SIRPG: variants seen among roughly 807,000 people sequenced by gnomAD.
SIRPG encodes signal-regulatory protein gamma.
In SIRPG, 38 loss-of-function variants were observed where a neutral mutation model predicts 35.7. The observed-to-expected ratio is 1.06, with a 90% CI of 0.82 to 1.40. SIRPG has a LOEUF of 1.40. Among genes scored for constraint, SIRPG ranks in the 40% most tolerant of loss-of-function variants. The probability of loss-of-function intolerance (pLI) is 0.00; values close to 1 mark genes in which losing one functional copy is unlikely to be tolerated. For synonymous variants in SIRPG, 215 were observed against 190.4 expected, an observed-to-expected ratio of 1.13 and a Z score of -1.06; for missense variants, 519 against 483.0, an observed-to-expected ratio of 1.07 and a Z score of -0.70.
chr20:1,661,347 G>T (rs559066538), upstream of SIRPG, among the ~76,000 whole-genome samples: 1 of 152,186 alleles, frequency 6.6e-6, no homozygotes, highest in Non-Finnish European at 1.5e-5. Flanking sequence ...ACCCCAGTAA[G>T]GGTCTACTCA....
At chr20:1,655,414 A>G (rs1449384780) in intron 1 of SIRPG, among the ~76,000 whole-genome samples, 1 of 152,214 alleles carries the variant, frequency 6.6e-6, no homozygotes, top group African/African-American at 2.4e-5. Flanking sequence ...GCTAAGTGAA[A>G]TAAGCCAGGC....
chr20:1,642,619 A>G (rs1822493503), intron 2 of SIRPG, among the ~76,000 whole-genome samples: 1 of 152,164 alleles, frequency 6.6e-6, no homozygotes, highest in African/African-American at 2.4e-5. Flanking sequence ...TCATGATGCT[A>G]TCTGATTATT....
Position 1,649,336 on chromosome 20 carries a change from G to C in SIRPG, c.146C>G (p.Ala49Gly), listed in dbSNP as rs760807673. 1 of 1,614,084 alleles carries C rather than the reference G, an allele frequency of 6.2e-7. No homozygotes were observed. The change falls in exon 2 of 6, where the codon GCC becomes GGC. Residue 49 changes from alanine to glycine, a missense_variant. By Grantham distance (60) the Ala-to-Gly change is moderately conservative. Transcript: ENST00000303415. ...KLLLVTVGKTATLHCTVTSLL... is the reference protein window; with the variant it reads ...KLLLVTVGKTGTLHCTVTSLL... The stretch of plus-strand genomic sequence containing the variant: ...GGAGGTCACAGTGCAGTGCAGAGTG[G>C]CTGTCTTTCCAACTGTGACCAACAG...
the SIRPG span, among the ~76,000 whole-genome samples, chr20:1,679,057 G>A: frequency 6.6e-6 from 1 of 152,176 alleles, no homozygotes; most frequent in Non-Finnish European, 1.5e-5. Flanking sequence ...ATCCTTGCGT[G>A]AATAGCACGA....
chr20:1,685,237 A>G, the SIRPG span, among the ~76,000 whole-genome samples: 27 of 152,338 alleles, frequency 1.8e-4, no homozygotes, highest in African/African-American at 6.3e-4. Context: ...GAAAGAACCA[A>G]GGTAGATTGT....
chr20:1,645,103 C>T (rs1299907404), intron 2 of SIRPG, among the ~76,000 whole-genome samples: 2 of 152,102 alleles, frequency 1.3e-5, no homozygotes, highest in African/African-American at 2.4e-5. Context: ...GATGGAAGGT[C>T]CTCCAGCACT....
intron 4 of SIRPG, among the ~76,000 whole-genome samples, chr20:1,634,269 T>C (rs13037155): frequency 4.8e-5 from 7 of 147,340 alleles, no homozygotes; most frequent in African/African-American, 1.3e-4. Context: ...TGCAGTGGCA[T>C]GATCTCGGCT....
the SIRPG span, among the ~76,000 whole-genome samples, chr20:1,683,315 A>C: frequency 6.6e-6 from 1 of 152,236 alleles, no homozygotes; most frequent in African/African-American, 2.4e-5. Context: ...AAATTAGTAC[A>C]GCCATTATTG....
intron 4 of SIRPG, among the ~76,000 whole-genome samples, chr20:1,631,603 A>G (rs1435052096): frequency 6.6e-6 from 1 of 152,166 alleles, no homozygotes; most frequent in Non-Finnish European, 1.5e-5. Flanking sequence ...TGCCTTACAG[A>G]GAAACTGACC....
At chr20:1,635,034 C>T (rs932590299) in intron 4 of SIRPG, among the ~76,000 whole-genome samples, 4 of 132,404 alleles carry the variant, frequency 3.0e-5, no homozygotes, top group African/African-American at 5.9e-5. Flanking sequence ...CAGAGCCAGA[C>T]TCCGTCTCAA....
chr20:1,651,013 G>C (rs914101356), intron 1 of SIRPG, among the ~76,000 whole-genome samples: 3 of 152,136 alleles, frequency 2.0e-5, no homozygotes, highest in Admixed American at 2.0e-4. Context: ...TATACCTGGC[G>C]AAAGTGTCCT....
intron 2 of SIRPG, chr20:1,638,274 C>T (rs573034574): frequency 6.6e-6 from 1 of 152,286 alleles, no homozygotes; most frequent in Non-Finnish European, 1.5e-5. Context: ...GATAAAAAAC[C>T]CACCCTGGTA....
chr20:1,638,480 C>T (rs1475463022), intron 2 of SIRPG: 1 of 152,012 alleles, frequency 6.6e-6, no homozygotes, highest in Non-Finnish European at 1.5e-5. Context: ...TCATGAAAAA[C>T]TCAAATGATA....
At chr20:1,650,647 C>T (rs954557102) in intron 1 of SIRPG, among the ~76,000 whole-genome samples, 5 of 151,094 alleles carry the variant, frequency 3.3e-5, no homozygotes, top group Admixed American at 6.6e-5. Flanking sequence ...ATTAGAGTTC[C>T]GGGGAAAAAA....
At chr20:1,654,010 C>A (rs569552359) in intron 1 of SIRPG, among the ~76,000 whole-genome samples, 4 of 152,052 alleles carry the variant, frequency 2.6e-5, no homozygotes, top group Non-Finnish European at 5.9e-5. Context: ...GAGGCCGAAG[C>A]GAGCAGATCA....
rs2091742643 is a variant in SIRPG at position 1,630,656 on chromosome 20, G to A, written c.1082-350C>T. Reference sequence around the variant, plus strand: ...TTCTGCTAGGGAAACTGAGGCCCATGGATTTTAGGGAGGGTCACAAGGTTA... The same window carrying A: ...TTCTGCTAGGGAAACTGAGGCCCATAGATTTTAGGGAGGGTCACAAGGTTA... On this transcript the variant is annotated intron_variant, in intron 4 of 5. Coordinates refer to ENST00000303415, the MANE Select transcript of SIRPG (RefSeq NM_018556.4). The A allele has an allele frequency of 2.9e-5, 7 of 240,050 alleles. No homozygotes were observed. The South Asian group carries it at 3.4e-4, about 12-fold the overall frequency. The allele number at this position is 240,050 out of a possible 1,614,324, so 14.9% of individuals were successfully genotyped here. A position where few individuals can be genotyped will look rare whatever the true frequency, so the allele number is the denominator to read the frequency against.
chr20:1,639,079 A>T (rs961010094), intron 2 of SIRPG, among the ~76,000 whole-genome samples: 2 of 152,302 alleles, frequency 1.3e-5, no homozygotes, highest in African/African-American at 4.8e-5. Flanking sequence ...TGCAATAAAC[A>T]TACATGTGCA....
At chr20:1,659,589 C>T (rs151283448), upstream of SIRPG, among the ~76,000 whole-genome samples, 46 of 152,310 alleles carry the variant, frequency 3.0e-4, no homozygotes, top group African/African-American at 9.9e-4. Context: ...TGCTCTGACC[C>T]CATGAGGTAA....
chr20:1,638,590 C>T (rs984469218), intron 2 of SIRPG: 1 of 152,038 alleles, frequency 6.6e-6, no homozygotes, highest in Non-Finnish European at 1.5e-5. Context: ...GAACAGAGTC[C>T]TCTGTGACAT....
Sources: gnomAD v4.1 joint callset for allele counts (sites outside exome capture counted in the v4.1 genomes callset) on GRCh38, gnomAD v4.1.1 for gene constraint, MANE v1.5 for transcripts, NCBI Gene and HGNC (gene_info 2026-07-23, HGNC 2026-07-21) for gene names.